KANK1: variants seen among roughly 807,000 people sequenced by gnomAD.
The protein encoded by KANK1 is KN motif and ankyrin repeat domain-containing protein 1.
KANK1 carries 109 observed loss-of-function variants against 106.2 expected under a neutral mutation model. That is an observed-to-expected ratio of 1.03 (90% CI 0.88 to 1.20). The LOEUF (loss-of-function observed/expected upper bound fraction) is 1.20, where lower values mean the gene tolerates loss of function less well. KANK1 is among the 50% of genes most tolerant of loss of function. KANK1 has a pLI of 0.00. For missense variants in KANK1, 2,399 were observed against 1,710.7 expected (o/e 1.40, Z -7.10); for synonymous variants, 873 against 652.2 (o/e 1.34, Z -5.16).
chr9:509,423 C>G (rs1368758650), intron 1 of KANK1, among the ~76,000 whole-genome samples: 2 of 152,204 alleles, frequency 1.3e-5, no homozygotes, highest in Non-Finnish European at 2.9e-5. Context: ...TCCTAGCAGA[C>G]TAATTATTTG....
chr9:519,837 T>A (rs971356993), intron 1 of KANK1, among the ~76,000 whole-genome samples: 5 of 151,742 alleles, frequency 3.3e-5, no homozygotes, highest in Non-Finnish European at 7.3e-5. Context: ...TAGATTTTTC[T>A]CCTCCCCTTA....
chr9:742,981 G>A (rs1421272338), intron 10 of KANK1, among the ~76,000 whole-genome samples: 1 of 152,142 alleles, frequency 6.6e-6, no homozygotes, highest in Admixed American at 6.5e-5. Flanking sequence ...TCTTCTCCCA[G>A]TTCCCAGGCT....
rs116572957 is a variant in KANK1 at position 635,524 on chromosome 9, A to G, written c.-83-41366A>G. ...ACAGATGGAAGTACTCTTACATCCT[A>G]GTCATATCAGCCCCTTGAGACTGGA... On this transcript the variant is annotated intron_variant, in intron 1 of 11. Coordinates refer to ENST00000382297, the MANE Select transcript of KANK1 (RefSeq NM_015158.5). Among the ~76,000 whole-genome samples, 797 of 142,278 alleles carry G rather than the reference A, an allele frequency of 5.6e-3. 5 individuals carry two copies. Among genetic ancestry groups the G allele is most frequent in the African/African-American group, 0.019 (751 of 38,850 alleles). 93.3% of individuals were successfully genotyped at this position (142,278 alleles called of 152,430 possible).
At chr9:473,239 C>T (rs917756473) in exon 3 of KANK1, 2 of 152,204 alleles carry the variant, frequency 1.3e-5, no homozygotes, top group Non-Finnish European at 2.9e-5. Flanking sequence ...TACCACTGCT[C>T]CTCACTCAGT....
At chr9:583,409 T>G (rs908107730) in intron 1 of KANK1, among the ~76,000 whole-genome samples, 4 of 152,270 alleles carry the variant, frequency 2.6e-5, no homozygotes, top group African/African-American at 9.6e-5. Context: ...TTACTTCCAC[T>G]CATGACTTTA....
rs1826701726 is a variant in KANK1 at position 713,230 on chromosome 9, G to A, written c.2464G>A (p.Gly822Ser). ...QPQAPLGMMT[G>S]LDHYIERIQK... ...TCAAGCTCCACTTGGAATGATGACT[G>A]GCCTGGATCACTACATTGAGCGTAT... The change falls in exon 3 of 12, where the codon GGC (glycine) becomes AGC (serine). Residue 822 changes from glycine to serine, a missense_variant. Gly to Ser is a moderately conservative substitution (Grantham distance 56). Transcript: ENST00000382297. 6.2e-7 allele frequency: 1 copy of A among 1,602,798 alleles called. No individual in the cohort carries two copies.
chr9:484,745 G>C (rs4742043), intron 3 of KANK1, among the ~76,000 whole-genome samples: 66 of 152,126 alleles, frequency 4.3e-4, no homozygotes, highest in African/African-American at 1.5e-3. Context: ...GAGGGAACAC[G>C]GTACACCTCC....
intron 1 of KANK1, among the ~76,000 whole-genome samples, chr9:635,821 C>T (rs369046014): frequency 6.7e-6 from 1 of 150,244 alleles, no homozygotes; most frequent in African/African-American, 2.5e-5. Context: ...GTCTCAGCCT[C>T]CCGAGTAGCT....
At chr9:686,796 C>T (rs960375093) in intron 2 of KANK1, 2 of 985,340 alleles carry the variant, frequency 2.0e-6, no homozygotes, top group African/African-American at 3.5e-5. Context: ...CGTGCTGGAG[C>T]TGAGTGTTCT....
chr9:612,496 C>T (rs1182732020), intron 1 of KANK1, among the ~76,000 whole-genome samples: 4 of 152,132 alleles, frequency 2.6e-5, no homozygotes, highest in South Asian at 2.1e-4. Flanking sequence ...GTTTCAGTGT[C>T]ATCATCTTTA....
chr9:524,549 G>C (rs1450059728), intron 1 of KANK1, among the ~76,000 whole-genome samples: 2 of 151,490 alleles, frequency 1.3e-5, no homozygotes, highest in East Asian at 1.9e-4. Context: ...ACTGTGTCTT[G>C]GCCTGTCACC....
intron 2 of KANK1, among the ~76,000 whole-genome samples, chr9:690,141 A>AAAAAAAAAAAAAAAAC: frequency 6.7e-6 from 1 of 148,166 alleles, no homozygotes. Flanking sequence ...TACAAAAAAA[A>AAAAAAAAAAAAAAAAC]AAAAAAAAAA....
chr9:504,378 G>A (rs960283658), upstream of KANK1, among the ~76,000 whole-genome samples: 4 of 151,812 alleles, frequency 2.6e-5, no homozygotes, highest in East Asian at 3.9e-4. Flanking sequence ...GCACGAAGGT[G>A]CCCCGCGGGC....
chr9:503,976 C>G (rs978674432), upstream of KANK1, among the ~76,000 whole-genome samples: 7 of 152,178 alleles, frequency 4.6e-5, no homozygotes. Context: ...GTCCTGCAGC[C>G]GAGCCAGGGC....
At chr9:608,482 T>A (rs781053596) in intron 1 of KANK1, among the ~76,000 whole-genome samples, 4 of 151,848 alleles carry the variant, frequency 2.6e-5, no homozygotes, top group African/African-American at 9.7e-5. Flanking sequence ...ATGTTACCTA[T>A]AAGAAAAGAT....
intron 2 of KANK1, among the ~76,000 whole-genome samples, chr9:698,316 A>G (rs1044251733): frequency 6.6e-6 from 1 of 152,074 alleles, no homozygotes; most frequent in Non-Finnish European, 1.5e-5. Context: ...TCAACATGCT[A>G]AATCAGAACC....
At chr9:641,317 C>T (rs548800007) in intron 1 of KANK1, among the ~76,000 whole-genome samples, 1 of 152,272 alleles carries the variant, frequency 6.6e-6, no homozygotes, top group African/African-American at 2.4e-5. Context: ...AAGTCTTTTA[C>T]CTAATCGTCG....
intron 1 of KANK1, among the ~76,000 whole-genome samples, chr9:590,078 C>G (rs10975295): frequency 0.068 from 10,301 of 152,180 alleles, 904 homozygotes; most frequent in East Asian, 0.22. Context: ...AAAAACGGCA[C>G]TCTGCAATAA....
chr9:580,148 C>G (rs983516519), intron 1 of KANK1, among the ~76,000 whole-genome samples: 22 of 152,134 alleles, frequency 1.4e-4, no homozygotes, highest in African/African-American at 2.2e-4. Context: ...AGGAGTGAAG[C>G]TGCAGACCTT....
Sources: allele counts gnomAD v4.1 joint callset (sites outside exome capture counted in the v4.1 genomes callset), GRCh38; gene constraint gnomAD v4.1.1; transcripts MANE v1.5; gene names NCBI Gene and HGNC (gene_info 2026-07-23, HGNC 2026-07-21).